Variants in ACVR1 observed in about 807,000 individuals in gnomAD.
ACVR1 encodes activin receptor type-1.
Under a neutral mutation model 57.1 loss-of-function variants are expected in ACVR1, and 38 were observed. That is an observed-to-expected ratio of 0.67 (90% CI 0.51 to 0.87). The LOEUF (loss-of-function observed/expected upper bound fraction) is 0.87. Ranked by LOEUF, ACVR1 falls within the 40% of genes least tolerant of loss-of-function variation. ACVR1 has a pLI of 0.00. For missense variants in ACVR1, 463 were observed against 638.2 expected (o/e 0.73, Z 2.96); for synonymous variants, 212 against 228.1 (o/e 0.93, Z 0.63).
rs116069638 is a variant in ACVR1 at position 157,840,670 on chromosome 2, C to A, written c.-182-22111G>T. Among the ~76,000 whole-genome samples, 4 of 152,304 alleles carry A rather than the reference C, an allele frequency of 2.6e-5. No individual in the cohort carries two copies. The South Asian group carries it at 8.3e-4, about 32-fold the overall frequency. On this transcript the variant is annotated intron_variant, in intron 1 of 10. Coordinates refer to ENST00000434821, the MANE Select transcript of ACVR1 (RefSeq NM_001111067.4). ...AATAAAGAAAGTGGACTCTGGTTAG[C>A]GAGTGGTCCATCAGCTCCATGTCAG...
chr2:157,866,196 A>G (rs961006890), intron 1 of ACVR1, among the ~76,000 whole-genome samples: 1 of 152,230 alleles, frequency 6.6e-6, no homozygotes, highest in African/African-American at 2.4e-5. Context: ...AAAATGTCAG[A>G]GTTGTATGGC....
intron 9 of ACVR1, among the ~76,000 whole-genome samples, chr2:157,745,581 G>T (rs1684935695): frequency 6.6e-6 from 1 of 152,152 alleles, no homozygotes; most frequent in African/African-American, 2.4e-5. Context: ...TCAGGGACAT[G>T]AAATTCCAGG....
chr2:157,858,666 C>T (rs1219060000), intron 1 of ACVR1, among the ~76,000 whole-genome samples: 1 of 151,844 alleles, frequency 6.6e-6, no homozygotes, highest in African/African-American at 2.4e-5. Context: ...CTATTTTTGT[C>T]GAGACGGGGT....
rs748424210 is a variant in ACVR1 at position 157,780,542 on chromosome 2, G to A, written c.126C>T (p.Cys42=). ...LYMCVCEGLS[C]GNEDHCEGQQ... is the part of the protein sequence containing the mutation. ...GGCCTTCACAGTGGTCCTCATTACC[G>A]CAGGAGAGACCTTCACACACACACA... The change falls in exon 4 of 11, where the codon TGC becomes TGT. Residue 42 remains cysteine (C), a synonymous_variant. Transcript: ENST00000434821. The A allele has an allele frequency of 5.0e-5, 80 of 1,613,814 alleles. No homozygotes were observed. Among genetic ancestry groups the A allele is most frequent in the Non-Finnish European group, 5.7e-5 (67 of 1,179,982 alleles).
intron 1 of ACVR1, among the ~76,000 whole-genome samples, chr2:157,825,097 C>T (rs932927279): frequency 3.9e-5 from 6 of 152,090 alleles, no homozygotes; most frequent in African/African-American, 1.4e-4. Context: ...CTTTTCTATC[C>T]TTATTTCTTT....
intron 4 of ACVR1, 72 bp downstream of exon 4, chr2:157,780,265 C>G: frequency 6.2e-7 from 1 of 1,607,222 alleles, no homozygotes; most frequent in Non-Finnish European, 8.5e-7. Flanking sequence ...CTACTTAGAT[C>G]TTTAACCCAC....
intron 9 of ACVR1, among the ~76,000 whole-genome samples, chr2:157,742,551 T>C (rs1462962164): frequency 6.6e-6 from 1 of 152,218 alleles, no homozygotes; most frequent in Non-Finnish European, 1.5e-5. Flanking sequence ...CCTGGGCATA[T>C]GTCTAGTTGA....
intron 1 of ACVR1, among the ~76,000 whole-genome samples, chr2:157,856,080 G>A (rs1689523333): frequency 6.6e-6 from 1 of 151,942 alleles, no homozygotes; most frequent in South Asian, 2.1e-4. Context: ...CTGAAGTACA[G>A]ATTCTTTGAC....
At chr2:157,745,029 C>A (rs150105269) in intron 9 of ACVR1, among the ~76,000 whole-genome samples, 2 of 152,192 alleles carry the variant, frequency 1.3e-5, no homozygotes, top group Admixed American at 6.5e-5. Context: ...CATGGGCTTA[C>A]GGAGCCATGT....
chr2:157,810,283 G>A (rs892560442), intron 2 of ACVR1, among the ~76,000 whole-genome samples: 5 of 152,138 alleles, frequency 3.3e-5, no homozygotes, highest in Admixed American at 2.0e-4. Flanking sequence ...CCCTTAAGGA[G>A]GTTCTACATA....
intron 2 of ACVR1, among the ~76,000 whole-genome samples, chr2:157,808,655 C>T (rs1428448563): frequency 1.3e-5 from 2 of 152,064 alleles, no homozygotes; most frequent in African/African-American, 4.8e-5. Context: ...CCCTAATGAC[C>T]TCTGAGACAG....
chr2:157,781,095 T>C (rs1686504486), intron 3 of ACVR1, among the ~76,000 whole-genome samples: 1 of 152,250 alleles, frequency 6.6e-6, no homozygotes, highest in Non-Finnish European at 1.5e-5. Context: ...CAAGGAATGC[T>C]GACATTCTTG....
chr2:157,829,569 C>G (rs17798522), intron 1 of ACVR1, among the ~76,000 whole-genome samples: 4 of 152,172 alleles, frequency 2.6e-5, no homozygotes, highest in Admixed American at 2.6e-4. Flanking sequence ...CCAACATCAT[C>G]GAGTTATCAT....
chr2:157,760,738 T>C, intron 9 of ACVR1, 142 bp downstream of exon 9: 2 of 784,996 alleles, frequency 2.5e-6, no homozygotes, highest in East Asian at 2.7e-5. Context: ...CTACCAGCCA[T>C]AAATCAAATA....
chr2:157,869,522 T>A (rs1255404965), intron 1 of ACVR1, among the ~76,000 whole-genome samples: 1 of 152,232 alleles, frequency 6.6e-6, no homozygotes, highest in African/African-American at 2.4e-5. Flanking sequence ...TAAAAAGCAT[T>A]ATAATATTTT....
intron 1 of ACVR1, among the ~76,000 whole-genome samples, chr2:157,872,452 G>A (rs1364652562): frequency 6.6e-6 from 1 of 152,158 alleles, no homozygotes; most frequent in African/African-American, 2.4e-5. Context: ...GCTGAAAAGT[G>A]CTAGCTTCAG....
intron 9 of ACVR1, among the ~76,000 whole-genome samples, chr2:157,746,034 A>C: frequency 6.6e-6 from 1 of 152,354 alleles, no homozygotes; most frequent in East Asian, 1.9e-4. Flanking sequence ...GACACATTTT[A>C]ACCCTGGATT....
intron 7 of ACVR1, 60 bp downstream of exon 7, chr2:157,770,307 CA>C: frequency 6.3e-7 from 1 of 1,589,180 alleles, no homozygotes. Context: ...ACGGAGAGAG[CA>C]AAGGCAGACA....
rs1182312694 is a variant in ACVR1 at position 157,737,471 on chromosome 2, T to C, written c.*60A>G. 30 of 1,596,010 alleles carry C rather than the reference T, an allele frequency of 1.9e-5. No homozygotes were observed. The highest frequency in any genetic ancestry group is 2.6e-5 in the Non-Finnish European group (30 of 1,167,318). The stretch of plus-strand genomic sequence containing the variant: ...TTCTGACAACCAGTCAGGCCAGCAT[T>C]AGGTCCCAGCTGGACAATGACAACA... On this transcript the variant is annotated 3_prime_UTR_variant, in exon 11 of 11. Coordinates refer to ENST00000434821, the MANE Select transcript of ACVR1 (RefSeq NM_001111067.4).
Sources: gnomAD v4.1 joint callset for allele counts (sites outside exome capture counted in the v4.1 genomes callset) on GRCh38, gnomAD v4.1.1 for gene constraint, MANE v1.5 for transcripts, NCBI Gene and HGNC (gene_info 2026-07-23, HGNC 2026-07-21) for gene names.